The following TRMU variants were observed in gnomAD, a reference collection of about 807,000 sequenced individuals.
TRMU encodes mitochondrial tRNA-specific 2-thiouridylase 1.
A neutral mutation model predicts 46.9 loss-of-function variants in TRMU; 49 were observed. The observed-to-expected ratio is 1.05, with a 90% CI of 0.83 to 1.33. The LOEUF is 1.33. Among genes scored for constraint, TRMU ranks in the 40% most tolerant of loss-of-function variants. The pLI, the probability that TRMU is intolerant of heterozygous loss-of-function variation, is 0.00. For synonymous variants in TRMU, 241 were observed against 200.9 expected, an observed-to-expected ratio of 1.20 and a Z score of -1.69; for missense variants, 572 against 532.4, an observed-to-expected ratio of 1.07 and a Z score of -0.73.
chr22:46,351,415 C>T lies in TRMU; in HGVS notation c.652-706C>T, dbSNP rs1326126298. 6.6e-6 allele frequency among the ~76,000 whole-genome samples: 1 copy of T among 152,194 alleles called. No homozygotes were observed. Among genetic ancestry groups the T allele is most frequent in the African/African-American group, 2.4e-5 (1 of 41,446 alleles). On this transcript the variant is annotated intron_variant, in intron 5 of 10. Coordinates refer to ENST00000645190, the MANE Select transcript of TRMU (RefSeq NM_018006.5). This position sits in a 1 kb window ranked among gnomAD's most constrained non-coding sequence, Gnocchi z 6.4. ...GGCGAGGGCGCTGTGGGATGAGCCT[C>T]ACCTCTTCAGGGGCCAGTGCGGTGG...
chr22:46,337,966 A>C, intron 2 of TRMU, 22 bp downstream of exon 2: 1 of 1,613,918 alleles, frequency 6.2e-7, no homozygotes. Context: ...TCACAGCACA[A>C]AGGAAGCTTC....
In TRMU at chr22:46,346,028, C is replaced by T. The variant is rs536080745; in HGVS notation, c.356-394C>T. On this transcript the variant is annotated intron_variant, in intron 3 of 10. Transcript: ENST00000645190. ...AGCAATCATCTGCCCGCCTCGGCCTCCCAGAGTGCTAGGATTACAGGCATG... is the reference window on the plus strand; with the variant it reads ...AGCAATCATCTGCCCGCCTCGGCCTTCCAGAGTGCTAGGATTACAGGCATG... Among the ~76,000 whole-genome samples the T allele has an allele frequency of 4.9e-4, 74 of 152,274 alleles. No individual in the cohort carries two copies. The South Asian group carries it at 0.014, about 29-fold the overall frequency.
At chr22:46,337,465 A>T (rs2078007706) in intron 1 of TRMU, among the ~76,000 whole-genome samples, 1 of 152,230 alleles carries the variant, frequency 6.6e-6, no homozygotes, top group African/African-American at 2.4e-5. Context: ...GTGCTTTGAA[A>T]AATTTTGTTG....
In TRMU at chr22:46,347,355, T is replaced by A. The variant is rs2078287168; in HGVS notation, c.478+811T>A. The A allele has an allele frequency of 6.6e-6, 1 of 152,058 alleles. No individual in the cohort carries two copies. The highest frequency in any genetic ancestry group is 2.1e-4 in the South Asian group (1 of 4,818). 9.4% of individuals were successfully genotyped at this position (152,058 alleles called of 1,614,324 possible). ...ACATTTCTTTTTTAATTATTATTAT[T>A]AATTTTATTTTTTTGAGAGAGGATC... On this transcript the variant is annotated intron_variant, in intron 4 of 10. Coordinates refer to ENST00000645190, the MANE Select transcript of TRMU (RefSeq NM_018006.5). The surrounding 1 kb of genome is among the most constrained non-coding windows in gnomAD (Gnocchi z 5.0).
Position 46,349,261 on chromosome 22 carries a change from C to T in TRMU, c.479-1030C>T, listed in dbSNP as rs575405535. Among the ~76,000 whole-genome samples the T allele has an allele frequency of 7.0e-4, 106 of 152,276 alleles. No homozygotes were observed. Among genetic ancestry groups the T allele is most frequent in the Middle Eastern group, 3.4e-3 (1 of 294 alleles). On this transcript the variant is annotated intron_variant, in intron 4 of 10. Transcript: ENST00000645190. This position sits in a 1 kb window ranked among gnomAD's most constrained non-coding sequence, Gnocchi z 4.6. ...ACCTGCCAAGTAAGGGAGGGGGACT[C>T]GGGAGGCTGGGCAGCCTCCAGCCCC...
intron 3 of TRMU, 56 bp from the exon 4 acceptor site, chr22:46,346,366 C>G (rs2078257246): frequency 1.9e-6 from 3 of 1,592,576 alleles, no homozygotes; most frequent in Non-Finnish European, 1.7e-6. Context: ...TTATGCTGAT[C>G]AAGGCCTGCA....
intron 10 of TRMU, 125 bp from the exon 11 acceptor site, chr22:46,356,717 T>G: frequency 8.4e-7 from 1 of 1,184,078 alleles, no homozygotes. Flanking sequence ...AAAACCCTGC[T>G]CCCCTGGGAG....
chr22:46,342,542 C>G lies in TRMU; in HGVS notation c.249-720C>G, dbSNP rs547391357. ...TGGGGAGGGTCTTAAGACCCACAGT[C>G]AGAAAGGTAGACGCTTGTAATCCTA... is the stretch of plus-strand genomic sequence containing the variant. On this transcript the variant is annotated intron_variant, in intron 2 of 10. Coordinates refer to ENST00000645190, the MANE Select transcript of TRMU (RefSeq NM_018006.5). The surrounding 1 kb of genome is among the most constrained non-coding windows in gnomAD (Gnocchi z 4.7). Among the ~76,000 whole-genome samples, 3 of 152,288 alleles carry G rather than the reference C, an allele frequency of 2.0e-5. No homozygotes were observed. The highest frequency in any genetic ancestry group is 2.0e-4 in the Admixed American group (3 of 15,308).
At chr22:46,341,090 CTG>C (rs1796048033) in intron 2 of TRMU, among the ~76,000 whole-genome samples, 1 of 152,258 alleles carries the variant, frequency 6.6e-6, no homozygotes, top group African/African-American at 2.4e-5. Flanking sequence ...TCTTTTAAAT[CTG>C]TCTCCCTCCC....
At position 46,337,648 on chromosome 22, in the gene TRMU, G is replaced by A. The variant is rs117610625; in HGVS notation, c.83-131G>A. ...CCCTGAAGCCACATGGCAAAGCAGGGACTGCCCGGCAGGCCAGGCACAGAG... is the reference window on the plus strand; with the variant it reads ...CCCTGAAGCCACATGGCAAAGCAGGAACTGCCCGGCAGGCCAGGCACAGAG... On this transcript the variant is annotated intron_variant, in intron 1 of 10. Transcript: ENST00000645190. 6.6e-4 allele frequency: 784 copies of A among 1,190,340 alleles called. 13 individuals carry two copies. The East Asian group carries it at 0.02, about 30-fold the overall frequency. 73.7% of individuals were successfully genotyped at this position (1,190,340 alleles called of 1,614,324 possible). A position where few individuals can be genotyped will look rare whatever the true frequency, so the allele number is the denominator to read the frequency against.
At chr22:46,340,577 G>C (rs1271034379) in intron 2 of TRMU, among the ~76,000 whole-genome samples, 2 of 147,992 alleles carry the variant, frequency 1.4e-5, no homozygotes, top group Non-Finnish European at 3.0e-5. Flanking sequence ...ATTAGGAGCG[G>C]AGCTGGGATT....
At position 46,351,989 on chromosome 22, in the gene TRMU, A is replaced by G; in HGVS notation, c.652-132A>G. On this transcript the variant is annotated intron_variant, in intron 5 of 10. Coordinates refer to ENST00000645190, the MANE Select transcript of TRMU (RefSeq NM_018006.5). The surrounding 1 kb of genome is among the most constrained non-coding windows in gnomAD (Gnocchi z 6.4). ...CTGGCGGCCGAGGGTGCCGGTGGGC[A>G]GCCGGGCCCCTACCCTGGAAGCAAA... The G allele has an allele frequency of 1.0e-6, 1 of 985,610 alleles. No homozygotes were observed. Among genetic ancestry groups the G allele is most frequent in the Non-Finnish European group, 1.6e-6 (1 of 618,872 alleles). 61.1% of individuals were successfully genotyped at this position (985,610 alleles called of 1,614,324 possible). A position where few individuals can be genotyped will look rare whatever the true frequency, so the allele number is the denominator to read the frequency against.
At position 46,336,984 on chromosome 22, in the gene TRMU, G is replaced by T. The variant is rs1169987601; in HGVS notation, c.83-795G>T. On this transcript the variant is annotated intron_variant, in intron 1 of 10. Coordinates refer to ENST00000645190, the MANE Select transcript of TRMU (RefSeq NM_018006.5). This position sits in a 1 kb window ranked among gnomAD's most constrained non-coding sequence, Gnocchi z 4.1. ...ATGGAAGGAGAGGAGCCTGGAGCAC[G>T]TTTAGCCCTGATTATGGAAGATGCT... is the stretch of plus-strand genomic sequence containing the variant. 6.6e-6 allele frequency among the ~76,000 whole-genome samples: 1 copy of T among 152,150 alleles called. No individual in the cohort carries two copies.
chr22:46,353,660 GCTGGGCCTGCT>G, intron 7 of TRMU, 96 bp from the exon 8 acceptor site: 1 of 1,000,844 alleles, frequency 1.0e-6, no homozygotes, highest in Non-Finnish European at 1.6e-6. Context: ...TTACACCATT[GCTGGGCCTGCT>G]CTGGGCTGCC....
rs189557513 is a variant in TRMU at position 46,346,216 on chromosome 22, C to T, written c.356-206C>T. Among the ~76,000 whole-genome samples the T allele has an allele frequency of 1.1e-4, 17 of 152,334 alleles. No individual in the cohort carries two copies. In the East Asian group the frequency reaches 2.7e-3, roughly 24 times the overall value. On this transcript the variant is annotated intron_variant, in intron 3 of 10. Coordinates refer to ENST00000645190, the MANE Select transcript of TRMU (RefSeq NM_018006.5). ...ACTTTAAGTAGCAAGGTTGTATCAG[C>T]TTAAGAGTTCAAGGCTGCTTGTTTG...
In TRMU at chr22:46,349,856, C is replaced by T. The variant is rs1182372484; in HGVS notation, c.479-435C>T. 6.6e-6 allele frequency among the ~76,000 whole-genome samples: 1 copy of T among 152,198 alleles called. No homozygotes were observed. ...CTGGAAAGTGTAGAGTCCTTGAAAC[C>T]ACTGTGGCACGAACACATCCTGTGG... On this transcript the variant is annotated intron_variant, in intron 4 of 10. Transcript: ENST00000645190. This position sits in a 1 kb window ranked among gnomAD's most constrained non-coding sequence, Gnocchi z 4.6.
rs1460016783 is a variant in TRMU at position 46,350,514 on chromosome 22, G to T, written c.651+51G>T. On this transcript the variant is annotated intron_variant, in intron 5 of 10. Coordinates refer to ENST00000645190, the MANE Select transcript of TRMU (RefSeq NM_018006.5). This position sits in a 1 kb window ranked among gnomAD's most constrained non-coding sequence, Gnocchi z 4.6. ...TAGTGCCTGTTTCCCTTTCCCGACTGCATGGCACGGAGCAGCTGGACCTGT... is the reference window on the plus strand; with the variant it reads ...TAGTGCCTGTTTCCCTTTCCCGACTTCATGGCACGGAGCAGCTGGACCTGT... The T allele has an allele frequency of 4.4e-6, 7 of 1,606,542 alleles. No homozygotes were observed. In the South Asian group the frequency reaches 7.7e-5, roughly 18 times the overall value.
In TRMU at chr22:46,348,278, G is replaced by A. The variant is rs2078311131; in HGVS notation, c.478+1734G>A. ...ACACTGTGTGCCCTGCAGAGCCATC[G>A]ACCTTTATTATAGGCCACGTGCCCT... On this transcript the variant is annotated intron_variant, in intron 4 of 10. Coordinates refer to ENST00000645190, the MANE Select transcript of TRMU (RefSeq NM_018006.5). The surrounding 1 kb of genome is among the most constrained non-coding windows in gnomAD (Gnocchi z 4.8). Among the ~76,000 whole-genome samples the A allele has an allele frequency of 6.6e-6, 1 of 152,158 alleles. No individual in the cohort carries two copies. Among genetic ancestry groups the A allele is most frequent in the Non-Finnish European group, 1.5e-5 (1 of 68,024 alleles).
At chr22:46,341,313 A>T (rs116844814) in intron 2 of TRMU, among the ~76,000 whole-genome samples, 8 of 152,260 alleles carry the variant, frequency 5.3e-5, no homozygotes, top group Admixed American at 5.2e-4. Flanking sequence ...GGACACAGAC[A>T]CAGATTGCAC....
Sources: allele counts gnomAD v4.1 joint callset (sites outside exome capture counted in the v4.1 genomes callset), GRCh38; gene constraint gnomAD v4.1.1; non-coding constraint Gnocchi (gnomAD v3.1); transcripts MANE v1.5; gene names NCBI Gene and HGNC (gene_info 2026-07-23, HGNC 2026-07-21).